The following TBX15 variants were observed in gnomAD, a reference collection of about 807,000 sequenced individuals.
TBX15 encodes the protein T-box transcription factor 15.
A neutral mutation model predicts 53.9 loss-of-function variants in TBX15; 18 were observed. The ratio of observed to expected loss-of-function variants is 0.33; its 90% CI spans 0.23 to 0.49. TBX15 has a LOEUF of 0.49. TBX15 is among the 20% of genes least tolerant of loss of function. TBX15 has a pLI of 0.98. For missense variants in TBX15, 692 were observed against 749.5 expected, an observed-to-expected ratio of 0.92 and a Z score of 0.90; for synonymous variants, 295 against 278.0, an observed-to-expected ratio of 1.06 and a Z score of -0.61.
chr1:118,919,710 G>A (rs887812296), intron 5 of TBX15, among the ~76,000 whole-genome samples: 4 of 152,108 alleles, frequency 2.6e-5, no homozygotes, highest in African/African-American at 9.7e-5. Flanking sequence ...TAGGTCAGAC[G>A]CAAATATCTT....
At chr1:118,934,108 A>T (rs1170000474) in intron 1 of TBX15, among the ~76,000 whole-genome samples, 1 of 152,166 alleles carries the variant, frequency 6.6e-6, no homozygotes, top group African/African-American at 2.4e-5. Context: ...ATCTGGAACA[A>T]AACAGGGACT....
At chr1:118,914,477 A>G (rs1301930876) in intron 5 of TBX15, among the ~76,000 whole-genome samples, 2 of 152,198 alleles carry the variant, frequency 1.3e-5, no homozygotes, top group Non-Finnish European at 2.9e-5. Context: ...CTAGACAGAT[A>G]TTGAAATGGA....
At chr1:118,927,683 G>C (rs1037924997) in intron 2 of TBX15, among the ~76,000 whole-genome samples, 11 of 152,204 alleles carry the variant, frequency 7.2e-5, no homozygotes, top group African/African-American at 2.4e-4. Flanking sequence ...AGTGAGGTCA[G>C]GATATAGCAC....
At chr1:118,935,135 G>C (rs191260443) in intron 1 of TBX15, among the ~76,000 whole-genome samples, 2 of 152,256 alleles carry the variant, frequency 1.3e-5, no homozygotes, top group Admixed American at 1.3e-4. Flanking sequence ...TCAGAGTCAA[G>C]ATTAACAGCC....
Position 118,926,617 on chromosome 1 carries a change from A to C in TBX15, c.420-6T>G. 6.2e-7 allele frequency: 1 copy of C among 1,611,380 alleles called. No homozygotes were observed. The highest frequency in any genetic ancestry group is 8.5e-7 in the Non-Finnish European group (1 of 1,178,076). ...TCATGGCAGGAAACATCCTCCTATG[A>C]AGATGAATAAAACAGAAAGCTCAGA... On this transcript the variant is annotated splice_region_variant and splice_polypyrimidine_tract_variant and intron_variant, in intron 2 of 7. Coordinates refer to ENST00000369429, the MANE Select transcript of TBX15 (RefSeq NM_001330677.2).
intron 1 of TBX15, among the ~76,000 whole-genome samples, chr1:118,951,679 T>C (rs1245245779): frequency 6.6e-6 from 1 of 152,200 alleles, no homozygotes; most frequent in Non-Finnish European, 1.5e-5. Flanking sequence ...TGGCAAAACC[T>C]AAAGGTCACC....
chr1:118,978,050 T>C (rs1267240126), intron 1 of TBX15, among the ~76,000 whole-genome samples: 3 of 152,234 alleles, frequency 2.0e-5, no homozygotes, highest in South Asian at 2.1e-4. Context: ...AAAGCATAAA[T>C]AACTTACATT....
chr1:118,942,447 G>A (rs1334573717), intron 1 of TBX15, among the ~76,000 whole-genome samples: 1 of 152,230 alleles, frequency 6.6e-6, no homozygotes, highest in Non-Finnish European at 1.5e-5. Context: ...AGGGTAGGCT[G>A]GAGCCAGATG....
At chr1:118,948,538 G>A (rs918270569) in intron 1 of TBX15, among the ~76,000 whole-genome samples, 1 of 152,238 alleles carries the variant, frequency 6.6e-6, no homozygotes, top group East Asian at 1.9e-4. Context: ...CTTCTCTAGG[G>A]TCCAACCTGC....
intron 7 of TBX15, chr1:118,890,923 G>T (rs953305025): frequency 4.6e-5 from 60 of 1,304,090 alleles, no homozygotes; most frequent in Non-Finnish European, 6.0e-5. Context: ...TGTCTCTGAG[G>T]AGTGCTGATT....
intron 6 of TBX15, among the ~76,000 whole-genome samples, chr1:118,900,608 G>T (rs377079354): frequency 6.6e-6 from 1 of 152,222 alleles, no homozygotes; most frequent in African/African-American, 2.4e-5. Context: ...GTTCAGAGAA[G>T]AGAGTGTTAC....
chr1:118,914,826 AG>A (rs922430119), intron 5 of TBX15, among the ~76,000 whole-genome samples: 46 of 152,348 alleles, frequency 3.0e-4, no homozygotes, highest in African/African-American at 1.1e-3. Context: ...TGAATGGGGC[AG>A]GATGCAGTAC....
intron 1 of TBX15, among the ~76,000 whole-genome samples, chr1:118,967,994 C>A (rs1405531455): frequency 1.3e-5 from 2 of 152,196 alleles, no homozygotes; most frequent in African/African-American, 4.8e-5. Context: ...AAGTAATTTT[C>A]TGACTTAGCT....
intron 1 of TBX15, among the ~76,000 whole-genome samples, chr1:118,968,204 C>T (rs191838602): frequency 8.5e-4 from 129 of 152,154 alleles, no homozygotes; most frequent in African/African-American, 2.8e-3. Flanking sequence ...TCAAAATCAT[C>T]GGAGGACTTT....
chr1:118,946,962 CCTT>C (rs1482342057), intron 1 of TBX15, among the ~76,000 whole-genome samples: 6 of 152,196 alleles, frequency 3.9e-5, no homozygotes, highest in Admixed American at 1.3e-4. Flanking sequence ...GGTTCTTTCT[CCTT>C]ATGTGTGCCA....
At chr1:118,931,887 A>G in intron 1 of TBX15, 55 bp from the exon 2 acceptor site, 1 of 1,523,332 alleles carries the variant, frequency 6.6e-7, no homozygotes, top group Middle Eastern at 2.2e-4. Context: ...CCCCTCACCC[A>G]TGGCCCTAAA....
At chr1:118,921,280 A>T (rs1368221205) in intron 5 of TBX15, among the ~76,000 whole-genome samples, 6 of 152,240 alleles carry the variant, frequency 3.9e-5, no homozygotes, top group Non-Finnish European at 8.8e-5. Context: ...CACCATGTTC[A>T]TACCTCTCAA....
At chr1:118,950,219 C>T (rs756014816) in intron 1 of TBX15, among the ~76,000 whole-genome samples, 4 of 152,182 alleles carry the variant, frequency 2.6e-5, no homozygotes, top group Non-Finnish European at 5.9e-5. Context: ...GTCATATACT[C>T]TTAGGGTTTA....
chr1:118,908,762 T>TCA (rs375863799), intron 6 of TBX15, among the ~76,000 whole-genome samples: 4,544 of 149,488 alleles, frequency 0.03, 85 homozygotes, highest in South Asian at 0.063. Context: ...TCTCTCTCTC[T>TCA]CACACACACA....
Sources: allele counts gnomAD v4.1 joint callset (sites outside exome capture counted in the v4.1 genomes callset), GRCh38; gene constraint gnomAD v4.1.1; transcripts MANE v1.5; gene names NCBI Gene and HGNC (gene_info 2026-07-23, HGNC 2026-07-21).